The following TTC23 variants were observed in gnomAD, a reference collection of about 807,000 sequenced individuals.
The protein encoded by TTC23 is tetratricopeptide repeat protein 23.
A neutral mutation model predicts 55.1 loss-of-function variants in TTC23; 58 were observed. That is an observed-to-expected ratio of 1.05 (90% CI 0.85 to 1.31). TTC23 has a LOEUF of 1.31. TTC23 is among the 50% of genes most tolerant of loss of function. The pLI is 0.00. For missense variants in TTC23, 516 were observed against 534.4 expected (o/e 0.97, Z 0.34); for synonymous variants, 203 against 199.9 (o/e 1.02, Z -0.13).
At chr15:99,139,757 T>TA (rs1555489349) in intron 12 of TTC23, 11 of 1,313,786 alleles carry the variant, frequency 8.4e-6, no homozygotes, top group Non-Finnish European at 1.0e-5. Flanking sequence ...GGAAAAGATT[T>TA]AAAAAAATAG....
intron 13 of TTC23, 187 bp downstream of exon 13, chr15:99,139,130 T>C (rs2067909018): frequency 2.7e-6 from 2 of 754,310 alleles, no homozygotes; most frequent in Non-Finnish European, 4.5e-6. Flanking sequence ...GAATTATTTT[T>C]AAATACCTGG....
chr15:99,156,959 C>T (rs1172325000), intron 11 of TTC23, among the ~76,000 whole-genome samples: 1 of 152,130 alleles, frequency 6.6e-6, no homozygotes, highest in African/African-American at 2.4e-5. Context: ...GTGCTGAACA[C>T]ACACAATTGT....
intron 10 of TTC23, among the ~76,000 whole-genome samples, chr15:99,164,814 G>C (rs1317730458): frequency 1.3e-5 from 2 of 151,856 alleles, no homozygotes; most frequent in Non-Finnish European, 3.0e-5. Context: ...CAGCTCTCTA[G>C]AACACACGAG....
At position 99,234,410 on chromosome 15, in the gene TTC23, G is replaced by A. The variant is rs137932783; in HGVS notation, c.-21+578C>T. On this transcript the variant is annotated intron_variant, in intron 4 of 13. Transcript: ENST00000394132. ...TTTTGAGACGGAGTCTCGCTCTGTCGCCTAGGCTGGAGTGCAGTGGCGTGA... is the reference window on the plus strand; with the variant it reads ...TTTTGAGACGGAGTCTCGCTCTGTCACCTAGGCTGGAGTGCAGTGGCGTGA... Among the ~76,000 whole-genome samples, 557 of 152,016 alleles carry A rather than the reference G, an allele frequency of 3.7e-3. 10 individuals carry two copies. The highest frequency in any genetic ancestry group is 0.012 in the African/African-American group (513 of 41,458).
intron 8 of TTC23, among the ~76,000 whole-genome samples, chr15:99,212,128 C>T (rs559090202): frequency 5.9e-5 from 9 of 152,262 alleles, no homozygotes; most frequent in South Asian, 4.2e-4. Context: ...GCAAAGTGTT[C>T]GCTGGACATG....
intron 9 of TTC23, among the ~76,000 whole-genome samples, chr15:99,196,107 G>A (rs1412773349): frequency 6.8e-6 from 1 of 148,002 alleles, no homozygotes; most frequent in Non-Finnish European, 1.5e-5. Flanking sequence ...AGCCAAGATC[G>A]CACCACTGCA....
intron 8 of TTC23, among the ~76,000 whole-genome samples, chr15:99,201,055 C>T (rs929751331): frequency 2.6e-5 from 4 of 152,174 alleles, no homozygotes; most frequent in African/African-American, 9.7e-5. Flanking sequence ...ATGGCAAAAG[C>T]CATTGCTATG....
At chr15:99,142,605 A>G (rs1221006469) in intron 12 of TTC23, among the ~76,000 whole-genome samples, 2 of 152,220 alleles carry the variant, frequency 1.3e-5, no homozygotes, top group African/African-American at 4.8e-5. Flanking sequence ...TTCAAAATCT[A>G]ATACTCAGAG....
chr15:99,168,315 G>A (rs1010864143), intron 10 of TTC23, among the ~76,000 whole-genome samples: 1 of 152,186 alleles, frequency 6.6e-6, no homozygotes, highest in Non-Finnish European at 1.5e-5. Flanking sequence ...TGCCCACACA[G>A]GGCCTGGTCG....
At chr15:99,186,231 G>A (rs140139476) in intron 9 of TTC23, among the ~76,000 whole-genome samples, 1,952 of 152,296 alleles carry the variant, frequency 0.013, 39 homozygotes, top group South Asian at 0.066. Context: ...TCTATGAAGT[G>A]CATGGAATAT....
At chr15:99,200,569 G>T (rs964809778) in intron 8 of TTC23, among the ~76,000 whole-genome samples, 1 of 152,174 alleles carries the variant, frequency 6.6e-6, no homozygotes, top group African/African-American at 2.4e-5. Flanking sequence ...AGAAATTTTA[G>T]AAATTTCCCA....
intron 3 of TTC23, among the ~76,000 whole-genome samples, chr15:99,240,385 G>GTA (rs1002566301): frequency 3.9e-5 from 6 of 151,926 alleles, no homozygotes; most frequent in African/African-American, 1.5e-4. Flanking sequence ...CATCTAACTT[G>GTA]TATATATATA....
chr15:99,147,450 C>A (rs1249621001), intron 12 of TTC23, among the ~76,000 whole-genome samples: 6 of 151,750 alleles, frequency 4.0e-5, no homozygotes, highest in African/African-American at 1.5e-4. Context: ...TGGTCTCGAT[C>A]TCCTGACCTC....
Position 99,187,066 on chromosome 15 carries a change from A to G in TTC23, c.760-11911T>C, listed in dbSNP as rs139456832. On this transcript the variant is annotated intron_variant, in intron 9 of 13. Transcript: ENST00000394132. ...TCACACTGATTTCAAAACTTACAACAAAACAACACTAATTAAGACAATGTG... is the reference window on the plus strand; with the variant it reads ...TCACACTGATTTCAAAACTTACAACGAAACAACACTAATTAAGACAATGTG... 6.3e-3 allele frequency among the ~76,000 whole-genome samples: 953 copies of G among 152,258 alleles called. 9 individuals carry two copies. Among genetic ancestry groups the G allele is most frequent in the Non-Finnish European group, 0.011 (716 of 67,962 alleles).
rs563353234 is a variant in TTC23 at position 99,168,412 on chromosome 15, A to G, written c.866-6545T>C. Reference sequence around the variant, plus strand: ...TGACCACAACTTGGGGCCACCATGTAGTGAAGGCTTCCAGCAACCTCAAGT... The same window carrying G: ...TGACCACAACTTGGGGCCACCATGTGGTGAAGGCTTCCAGCAACCTCAAGT... On this transcript the variant is annotated intron_variant, in intron 10 of 13. Transcript: ENST00000394132. 5.1e-4 allele frequency among the ~76,000 whole-genome samples: 77 copies of G among 152,322 alleles called. 2 individuals are homozygous for G. The South Asian group carries it at 0.016, about 31-fold the overall frequency.
chr15:99,250,727 T>G (rs1466714056), upstream of TTC23, among the ~76,000 whole-genome samples: 1 of 152,226 alleles, frequency 6.6e-6, no homozygotes, highest in African/African-American at 2.4e-5. Flanking sequence ...GAAGTGTCAT[T>G]GTATTTAACT....
At chr15:99,200,446 C>G (rs2076106682) in intron 8 of TTC23, among the ~76,000 whole-genome samples, 1 of 152,148 alleles carries the variant, frequency 6.6e-6, no homozygotes, top group Admixed American at 6.5e-5. Flanking sequence ...ACCTCTAATA[C>G]ACAGTAAGTG....
chr15:99,153,976 A>AAT (rs2070197610), intron 12 of TTC23, among the ~76,000 whole-genome samples: 1 of 152,230 alleles, frequency 6.6e-6, no homozygotes, highest in Admixed American at 6.5e-5. Context: ...TAAATCTGAA[A>AAT]ATATAAGTGA....
chr15:99,187,474 C>CAA lies in TTC23; in HGVS notation c.760-12321_760-12320dup, dbSNP rs778180737. Among the ~76,000 whole-genome samples the CAA allele has an allele frequency of 2.1e-5, 2 of 94,540 alleles. 1 individual carries two copies. The highest frequency in any genetic ancestry group is 4.0e-5 in the Non-Finnish European group (2 of 49,598). The allele number at this position is 94,540 out of a possible 152,430, so 62.0% of individuals were successfully genotyped here. A position where few individuals can be genotyped will look rare whatever the true frequency, so the allele number is the denominator to read the frequency against. ...AAGCAAAAAAAAAAAAAAAACAAAA[C>CAA]AAAAGAAACCCAACATAGACAAGTT... On this transcript the variant is annotated intron_variant, in intron 9 of 13. Coordinates refer to ENST00000394132, the MANE Select transcript of TTC23 (RefSeq NM_001288615.3).
Sources: allele counts gnomAD v4.1 joint callset (sites outside exome capture counted in the v4.1 genomes callset), GRCh38; gene constraint gnomAD v4.1.1; transcripts MANE v1.5; gene names NCBI Gene and HGNC (gene_info 2026-07-23, HGNC 2026-07-21).